Variants in GALNTL6 observed in about 807,000 individuals in gnomAD.
The protein encoded by GALNTL6 is polypeptide N-acetylgalactosaminyltransferase like 6, also known as polypeptide N-acetylgalactosaminyltransferase-like 6.
GALNTL6 carries 46 observed loss-of-function variants against 73.7 expected under a neutral mutation model. The ratio of observed to expected loss-of-function variants is 0.62; its 90% CI spans 0.49 to 0.80. The LOEUF (loss-of-function observed/expected upper bound fraction) is 0.80, where lower values mean the gene tolerates loss of function less well. Among genes scored for constraint, GALNTL6 ranks in the 30% least tolerant of loss-of-function variants. The pLI is 0.00. For synonymous variants in GALNTL6, 259 were observed against 263.7 expected (o/e 0.98, Z 0.17); for missense variants, 604 against 755.0 (o/e 0.80, Z 2.34).
intron 10 of GALNTL6, among the ~76,000 whole-genome samples, chr4:172,983,383 C>T (rs1440596795): frequency 1.3e-5 from 2 of 152,164 alleles, no homozygotes; most frequent in Non-Finnish European, 2.9e-5. Context: ...AACTAAGACA[C>T]CTTGTTTCCT....
intron 5 of GALNTL6, among the ~76,000 whole-genome samples, chr4:172,549,610 AAAATAACAAAATGTTGC>A (rs1735886589): frequency 6.6e-6 from 1 of 152,188 alleles, no homozygotes; most frequent in Non-Finnish European, 1.5e-5. Flanking sequence ...TTTAAAAAAA[AAAATAACAAAATGTTGC>A]TTATTTTCTT....
chr4:172,941,288 C>G (rs1341239862), intron 9 of GALNTL6, among the ~76,000 whole-genome samples: 2 of 152,134 alleles, frequency 1.3e-5, no homozygotes, highest in Non-Finnish European at 2.9e-5. Flanking sequence ...TTGTTTATGC[C>G]TATTGGGATA....
intron 2 of GALNTL6, among the ~76,000 whole-genome samples, chr4:171,830,608 A>T (rs905968115): frequency 6.6e-6 from 1 of 152,140 alleles, no homozygotes; most frequent in African/African-American, 2.4e-5. Flanking sequence ...TCATGAATTA[A>T]TGTTCCATTT....
intron 2 of GALNTL6, among the ~76,000 whole-genome samples, chr4:172,203,073 G>A (rs1186566063): frequency 6.6e-6 from 1 of 152,182 alleles, no homozygotes; most frequent in East Asian, 1.9e-4. Context: ...ATTAAAATGT[G>A]TACATTTGGC....
intron 5 of GALNTL6, among the ~76,000 whole-genome samples, chr4:172,496,156 TG>T (rs1375298248): frequency 1.3e-5 from 2 of 151,848 alleles, no homozygotes; most frequent in Non-Finnish European, 2.9e-5. Context: ...GATGGAAATG[TG>T]AAAAAACAAT....
At chr4:172,037,099 ATAAAT>A (rs1408017359) in intron 2 of GALNTL6, among the ~76,000 whole-genome samples, 4 of 152,168 alleles carry the variant, frequency 2.6e-5, no homozygotes, top group Non-Finnish European at 5.9e-5. Context: ...ATATGTATAC[ATAAAT>A]TTAAAAAGCC....
chr4:172,837,607 A>T (rs1475705368), intron 7 of GALNTL6, among the ~76,000 whole-genome samples: 2 of 152,208 alleles, frequency 1.3e-5, no homozygotes, highest in Admixed American at 1.3e-4. Context: ...ATAAGAGGGG[A>T]GAAAGCCTCC....
intron 2 of GALNTL6, among the ~76,000 whole-genome samples, chr4:172,085,067 G>T (rs112351183): frequency 6.6e-6 from 1 of 151,982 alleles, no homozygotes; most frequent in East Asian, 1.9e-4. Context: ...AGAATATATT[G>T]TAAGCAAAAA....
chr4:172,773,852 A>G (rs7376615), intron 5 of GALNTL6, among the ~76,000 whole-genome samples: 78,840 of 151,888 alleles, frequency 0.52, 21,317 homozygotes, highest in East Asian at 0.78. Context: ...AAAGTATGAT[A>G]GTATGTTCTC....
chr4:172,660,863 G>C (rs78031157), intron 5 of GALNTL6, among the ~76,000 whole-genome samples: 3,115 of 152,234 alleles, frequency 0.02, 96 homozygotes, highest in African/African-American at 0.07. Context: ...GCCAGCTCTG[G>C]TTGTTTAAAA....
At chr4:171,988,673 G>C (rs1161024287) in intron 2 of GALNTL6, among the ~76,000 whole-genome samples, 8 of 152,152 alleles carry the variant, frequency 5.3e-5, no homozygotes, top group Admixed American at 4.6e-4. Flanking sequence ...CAGGTAAAAT[G>C]GGGGAATGGT....
At chr4:172,162,183 G>A (rs1366038558) in intron 2 of GALNTL6, among the ~76,000 whole-genome samples, 1 of 151,750 alleles carries the variant, frequency 6.6e-6, no homozygotes, top group African/African-American at 2.4e-5. Context: ...AATTTGTGAC[G>A]CTTTCCATGG....
intron 5 of GALNTL6, among the ~76,000 whole-genome samples, chr4:172,461,713 G>T (rs1732626360): frequency 1.3e-5 from 2 of 152,142 alleles, no homozygotes; most frequent in Admixed American, 1.3e-4. Flanking sequence ...GAATGTTTTT[G>T]CTTATAAGGT....
intron 2 of GALNTL6, among the ~76,000 whole-genome samples, chr4:172,118,866 A>T (rs532701669): frequency 1.9e-3 from 288 of 152,164 alleles, no homozygotes; most frequent in Middle Eastern, 6.8e-3. Context: ...GCTACTCCTG[A>T]AATGAGAAAT....
intron 2 of GALNTL6, among the ~76,000 whole-genome samples, chr4:172,176,165 C>A (rs28622332): frequency 5.3e-5 from 8 of 150,732 alleles, no homozygotes; most frequent in Non-Finnish European, 1.2e-4. Flanking sequence ...CGGTGAAACC[C>A]CATCTCTACT....
intron 2 of GALNTL6, among the ~76,000 whole-genome samples, chr4:172,002,526 G>C (rs528925564): frequency 6.6e-6 from 1 of 152,164 alleles, no homozygotes; most frequent in African/African-American, 2.4e-5. Context: ...TAGCAGTCCA[G>C]ACATACAAGT....
intron 8 of GALNTL6, among the ~76,000 whole-genome samples, chr4:172,893,398 C>T (rs551494772): frequency 6.6e-6 from 1 of 151,394 alleles, no homozygotes; most frequent in Non-Finnish European, 1.5e-5. Flanking sequence ...CAGCTCCAAA[C>T]CCCTGGACAG....
chr4:172,876,287 A>G (rs1008329487), intron 7 of GALNTL6, among the ~76,000 whole-genome samples: 1 of 152,214 alleles, frequency 6.6e-6, no homozygotes, highest in Non-Finnish European at 1.5e-5. Context: ...CAAAATTTGT[A>G]CCATGATTTA....
chr4:172,601,800 T>C (rs1393621547), intron 5 of GALNTL6, among the ~76,000 whole-genome samples: 1 of 152,070 alleles, frequency 6.6e-6, no homozygotes, highest in East Asian at 1.9e-4. Context: ...GGTTAAGATC[T>C]ATAGGAAAAA....
Sources: gnomAD v4.1 joint callset for allele counts (sites outside exome capture counted in the v4.1 genomes callset) on GRCh38, gnomAD v4.1.1 for gene constraint, MANE v1.5 for transcripts, NCBI Gene and HGNC (gene_info 2026-07-23, HGNC 2026-07-21) for gene names.